Variants in FREM3 observed in about 807,000 individuals in gnomAD.
The protein encoded by FREM3 is FRAS1 related extracellular matrix 3.
Under a neutral mutation model 129.1 loss-of-function variants are expected in FREM3, and 105 were observed. The observed-to-expected ratio is 0.81, with a 90% confidence interval of 0.69 to 0.96. The LOEUF is 0.96. Ranked by LOEUF, FREM3 falls within the 40% of genes least tolerant of loss-of-function variation. The pLI is 0.00. For missense variants in FREM3, 2,593 were observed against 2,666.3 expected (o/e 0.97, Z 0.61); for synonymous variants, 1,014 against 1,044.9 (o/e 0.97, Z 0.57).
Position 143,695,669 on chromosome 4 carries a change from T to TG in FREM3, c.5006dup (p.Ala1670SerfsTer34). On this transcript the variant is annotated frameshift_variant, in exon 1 of 8. Transcript: ENST00000329798. LOFTEE classifies it high-confidence loss of function. ...GTCCAGTGTGAAGGCGCTTCAAGGC[T>TG]GGGGCACCCCTGTTGGTAGTAATCT... The TG allele has an allele frequency of 6.5e-7, 1 of 1,537,260 alleles. No homozygotes were observed. The highest frequency in any genetic ancestry group is 8.7e-7 in the Non-Finnish European group (1 of 1,146,916).
At chr4:143,614,101 C>T (rs189823188) in intron 5 of FREM3, among the ~76,000 whole-genome samples, 2 of 152,028 alleles carry the variant, frequency 1.3e-5, no homozygotes, top group East Asian at 1.9e-4. Context: ...AATCATTTGG[C>T]GATTGAACTC....
At chr4:143,638,356 T>A (rs552919960) in intron 2 of FREM3, among the ~76,000 whole-genome samples, 18 of 152,164 alleles carry the variant, frequency 1.2e-4, no homozygotes, top group Admixed American at 1.2e-3. Flanking sequence ...CCATCTCTTT[T>A]TGGGAGTTGA....
chr4:143,672,292 G>A (rs1409943338), intron 2 of FREM3, among the ~76,000 whole-genome samples: 1 of 152,174 alleles, frequency 6.6e-6, no homozygotes, highest in Non-Finnish European at 1.5e-5. Context: ...TACTATTCAA[G>A]GAGTTTCTTG....
intron 2 of FREM3, among the ~76,000 whole-genome samples, chr4:143,676,301 T>A (rs2149857500): frequency 6.6e-6 from 1 of 152,322 alleles, no homozygotes; most frequent in East Asian, 1.9e-4. Context: ...CACATGATTA[T>A]CTCAATAGAT....
Position 143,698,216 on chromosome 4 carries a change from T to A in FREM3, c.2460A>T (p.Leu820Phe). The change falls in exon 1 of 8, where the codon TTA (leucine) becomes TTT (phenylalanine). Residue 820 changes from leucine (L) to phenylalanine (F), a missense_variant. Transcript: ENST00000329798. ...GCTGGTTGTCCACAGGTTGCAGGAA[T>A]AATGTGAATGTGCCTGGCACGCTAT... is the stretch of plus-strand genomic sequence containing the variant. The part of the protein sequence containing the change: ...AGNSVPGTFT[L>F]FLQPVDNQPP... 6.5e-7 allele frequency: 1 copy of A among 1,537,436 alleles called. No homozygotes were observed. The highest frequency in any genetic ancestry group is 8.7e-7 in the Non-Finnish European group (1 of 1,146,936).
intron 2 of FREM3, among the ~76,000 whole-genome samples, chr4:143,675,632 A>G (rs1740102223): frequency 6.6e-6 from 1 of 152,216 alleles, no homozygotes; most frequent in Non-Finnish European, 1.5e-5. Flanking sequence ...AACAAAATTG[A>G]TAGACTGCTA....
rs370758103 is a variant in FREM3 at position 143,579,175 on chromosome 4, C to T, written c.6179-1323G>A. Among the ~76,000 whole-genome samples, 7 of 152,172 alleles carry T rather than the reference C, an allele frequency of 4.6e-5. No homozygotes were observed. The East Asian group carries it at 9.6e-4, about 21-fold the overall frequency. On this transcript the variant is annotated intron_variant, in intron 7 of 7. Coordinates refer to ENST00000329798, the MANE Select transcript of FREM3 (RefSeq NM_001168235.2). The stretch of plus-strand genomic sequence containing the variant: ...GTGACATTAAGAAAACAAAAAAAGC[C>T]GGGCCCGGTGGATCATGCCTGTAAT...
chr4:143,681,724 G>A (rs1157432889), intron 2 of FREM3, among the ~76,000 whole-genome samples: 1 of 152,124 alleles, frequency 6.6e-6, no homozygotes, highest in African/African-American at 2.4e-5. Context: ...CTATGTGAGA[G>A]GAAAGAAGAG....
Position 143,698,136 on chromosome 4 carries a change from A to G in FREM3, c.2540T>C (p.Leu847Pro). The change falls in exon 1 of 8, where the codon CTC becomes CCC. Residue 847 changes from leucine to proline, a missense_variant. By Grantham distance (98) the Leu-to-Pro change is moderately conservative. Around this residue, in one of 2 missense-constraint regions of FREM3, gnomAD observed 2,276 missense variants for 2,267.2 expected, o/e 1.00. Transcript: ENST00000329798. ...TGTAACATGCAGCTCATTACTGCTG[A>G]GGTTAAAGCTGCCTCCCTCTAAGAT... ...FAILEGGSFNLSSNELHVTDP... is the reference protein window; with the variant it reads ...FAILEGGSFNPSSNELHVTDP... 6.5e-7 allele frequency: 1 copy of G among 1,537,466 alleles called. No homozygotes were observed. Among genetic ancestry groups the G allele is most frequent in the African/African-American group, 1.4e-5 (1 of 73,174 alleles).
intron 2 of FREM3, among the ~76,000 whole-genome samples, chr4:143,660,074 C>T (rs1396004552): frequency 6.7e-6 from 1 of 149,284 alleles, no homozygotes; most frequent in African/African-American, 2.5e-5. Context: ...TGTGCAGAAG[C>T]TCTTTAGTTT....
chr4:143,678,040 G>C (rs1740177433), intron 2 of FREM3, among the ~76,000 whole-genome samples: 1 of 152,146 alleles, frequency 6.6e-6, no homozygotes, highest in African/African-American at 2.4e-5. Context: ...CCATTACTGG[G>C]TATATACCCA....
chr4:143,694,374 A>T (rs1740528281), intron 1 of FREM3, among the ~76,000 whole-genome samples: 1 of 152,218 alleles, frequency 6.6e-6, no homozygotes, highest in African/African-American at 2.4e-5. Flanking sequence ...AACAAGAATA[A>T]TTACTGCATC....
chr4:143,697,710 T>G lies in FREM3; in HGVS notation c.2966A>C (p.Lys989Thr). 1 of 1,537,762 alleles carries G rather than the reference T, an allele frequency of 6.5e-7. No individual in the cohort carries two copies. The highest frequency in any genetic ancestry group is 8.7e-7 in the Non-Finnish European group (1 of 1,147,022). The change falls in exon 1 of 8, where the codon AAG becomes ACG. Residue 989 changes from lysine to threonine, a missense_variant. Physicochemically the swap from Lys to Thr is moderately conservative, Grantham distance 78. This residue lies in a region of FREM3 where 2,276 missense variants were observed against 2,267.2 expected (regional missense o/e 1.00). Coordinates refer to ENST00000329798, the MANE Select transcript of FREM3 (RefSeq NM_001168235.2). ...AATAGTGCCCAGTTTGGGGCTGTCC[T>G]TTACAATGAAAGACAGCATCAAGTC... ...VGDLMLSFIV[K>T]DSPKLGTILV...
intron 2 of FREM3, among the ~76,000 whole-genome samples, chr4:143,635,231 T>C (rs1166650498): frequency 1.3e-5 from 2 of 152,194 alleles, no homozygotes; most frequent in African/African-American, 4.8e-5. Context: ...ATAAGAAATA[T>C]TTGAATTAGT....
rs1029396591 is a variant in FREM3, at chr4:143,585,715, G to A, written c.6178+129C>T. The A allele has an allele frequency of 1.5e-5, 13 of 867,364 alleles. No individual in the cohort carries two copies. The highest frequency in any genetic ancestry group is 8.5e-5 in the African/African-American group (5 of 58,750). 53.7% of individuals were successfully genotyped at this position (867,364 alleles called of 1,614,324 possible). On this transcript the variant is annotated intron_variant, in intron 7 of 7. Transcript: ENST00000329798. This position sits in a 1 kb window ranked among gnomAD's most constrained non-coding sequence, Gnocchi z 4.2. ...GTCATTATGTATACAAACCATCTAC[G>A]TGCTGAAGCCAGAGAAACTTTCATT...
intron 3 of FREM3, 145 bp downstream of exon 3, chr4:143,627,469 A>G (rs1365841025): frequency 8.3e-6 from 6 of 718,610 alleles, no homozygotes; most frequent in South Asian, 1.9e-5. Context: ...AGCAAAAACC[A>G]CGGCACATTT....
chr4:143,610,202 A>G (rs981546628), intron 6 of FREM3, among the ~76,000 whole-genome samples: 5 of 152,184 alleles, frequency 3.3e-5, no homozygotes, highest in Non-Finnish European at 7.3e-5. Flanking sequence ...AAAGTAGTCT[A>G]CTGAAAATTT....
intron 2 of FREM3, among the ~76,000 whole-genome samples, chr4:143,679,162 C>T (rs1474850409): frequency 6.6e-6 from 1 of 152,130 alleles, no homozygotes; most frequent in African/African-American, 2.4e-5. Context: ...ATTTCTCGGA[C>T]TATTTAAAAA....
chr4:143,605,126 C>T (rs1403053587), intron 6 of FREM3, among the ~76,000 whole-genome samples: 2 of 152,124 alleles, frequency 1.3e-5, no homozygotes, highest in Non-Finnish European at 2.9e-5. Context: ...TCAAACAACA[C>T]TGTAAATTAA....
Sources: gnomAD v4.1 joint callset for allele counts (sites outside exome capture counted in the v4.1 genomes callset) on GRCh38, gnomAD v4.1.1 for gene constraint, gnomAD v4.1.1 regional missense constraint, Gnocchi (gnomAD v3.1) non-coding constraint, MANE v1.5 for transcripts, NCBI Gene and HGNC (gene_info 2026-07-23, HGNC 2026-07-21) for gene names.